The following GRK3 variants were observed in gnomAD, a reference collection of about 807,000 sequenced individuals.
GRK3 encodes the protein G protein-coupled receptor kinase 3.
In GRK3, 54 loss-of-function variants were observed where a neutral mutation model predicts 95.7. The ratio of observed to expected loss-of-function variants is 0.56; its 90% CI spans 0.45 to 0.71. GRK3 has a LOEUF of 0.71. Ranked by LOEUF, GRK3 falls within the 30% of genes least tolerant of loss-of-function variation. The pLI is 0.00. For missense variants in GRK3, 649 were observed against 851.2 expected (o/e 0.76, Z 2.96); for synonymous variants, 281 against 290.8 (o/e 0.97, Z 0.34).
At chr22:25,647,939 C>T in intron 3 of GRK3, 1 of 503,520 alleles carries the variant, frequency 2.0e-6, no homozygotes, top group Admixed American at 3.3e-5. Flanking sequence ...GGTGAAACCC[C>T]ATCTCTACTA....
At chr22:25,649,022 T>G (rs2084808611) in intron 3 of GRK3, 16 of 1,262,660 alleles carry the variant, frequency 1.3e-5, no homozygotes, top group Non-Finnish European at 1.9e-5. Context: ...GAGTGCCATA[T>G]CCAGGTATGG....
intron 1 of GRK3, among the ~76,000 whole-genome samples, chr22:25,599,615 AAAAG>A (rs2084395976): frequency 6.6e-6 from 1 of 151,692 alleles, no homozygotes; most frequent in African/African-American, 2.4e-5. Context: ...AAGAAAAGAA[AAAAG>A]AAAATCACAT....
At chr22:25,714,702 G>A (rs373825635) in intron 18 of GRK3, 132 bp downstream of exon 18, 2 of 826,816 alleles carry the variant, frequency 2.4e-6, no homozygotes, top group Non-Finnish European at 1.8e-6. Flanking sequence ...AATCGCTTTA[G>A]TTTGCTCTGG....
chr22:25,639,765 A>G (rs1458312396), intron 2 of GRK3, among the ~76,000 whole-genome samples: 1 of 152,216 alleles, frequency 6.6e-6, no homozygotes, highest in African/African-American at 2.4e-5. Flanking sequence ...AAGAATTAAC[A>G]TCTAAGCAAT....
At chr22:25,692,087 C>T (rs996263399) in intron 12 of GRK3, among the ~76,000 whole-genome samples, 12 of 152,144 alleles carry the variant, frequency 7.9e-5, no homozygotes, top group African/African-American at 2.9e-4. Context: ...CCTCAGCTTC[C>T]CAGGTAGCTG....
chr22:25,604,471 A>G lies in GRK3; in HGVS notation c.190+18A>G, dbSNP rs1359141179. The G allele has an allele frequency of 6.4e-7, 1 of 1,573,504 alleles. No individual in the cohort carries two copies. Among genetic ancestry groups the G allele is most frequent in the African/African-American group, 1.4e-5 (1 of 73,990 alleles). On this transcript the variant is annotated intron_variant, in intron 2 of 20. Coordinates refer to ENST00000324198, the MANE Select transcript of GRK3 (RefSeq NM_005160.4). ...GAAAATTGGTAAGTCCTGCTTGTTCATTTGGCATACGGTAATTTTAGTGAT... is the reference window on the plus strand; with the variant it reads ...GAAAATTGGTAAGTCCTGCTTGTTCGTTTGGCATACGGTAATTTTAGTGAT...
chr22:25,717,729 T>A (rs888894461), intron 18 of GRK3, among the ~76,000 whole-genome samples: 6 of 152,196 alleles, frequency 3.9e-5, no homozygotes, highest in Middle Eastern at 3.2e-3. Context: ...TACATAACCA[T>A]ATATTTGAGG....
At chr22:25,572,588 C>T (rs41263244) in intron 1 of GRK3, among the ~76,000 whole-genome samples, 3,437 of 152,260 alleles carry the variant, frequency 0.023, 61 homozygotes, top group Middle Eastern at 0.068. Flanking sequence ...CACTTTCTTG[C>T]TTGCTTGCTT....
chr22:25,665,420 A>G (rs2084935187), intron 5 of GRK3, among the ~76,000 whole-genome samples: 1 of 152,182 alleles, frequency 6.6e-6, no homozygotes, highest in Non-Finnish European at 1.5e-5. Context: ...TTTAGCTTCC[A>G]CTATAACATA....
chr22:25,709,790 A>G, intron 15 of GRK3, 108 bp from the exon 16 acceptor site: 1 of 750,868 alleles, frequency 1.3e-6, no homozygotes. Context: ...TTAAAGGAAA[A>G]AGTGGAAATA....
rs1005507730 is a variant in GRK3, at chr22:25,723,532, G to A, written c.*1082G>A. ...ACTTTGCACTGGGCTGTACGACAGT[G>A]AGGACCTTAGGGCATGAAGCCTTTT... On this transcript the variant is annotated 3_prime_UTR_variant, in exon 21 of 21. Coordinates refer to ENST00000324198, the MANE Select transcript of GRK3 (RefSeq NM_005160.4). 1 of 152,178 alleles carries A rather than the reference G, an allele frequency of 6.6e-6. No homozygotes were observed. Among genetic ancestry groups the A allele is most frequent in the Non-Finnish European group, 1.5e-5 (1 of 68,028 alleles). The allele number at this position is 152,178 out of a possible 1,614,324, so 9.4% of individuals were successfully genotyped here.
rs1341814922 is a variant in GRK3, at chr22:25,723,698, A to G, written c.*1248A>G. 6.6e-6 allele frequency: 1 copy of G among 152,188 alleles called. No homozygotes were observed. Among genetic ancestry groups the G allele is most frequent in the Non-Finnish European group, 1.5e-5 (1 of 68,028 alleles). The allele number at this position is 152,188 out of a possible 1,614,324, so 9.4% of individuals were successfully genotyped here. On this transcript the variant is annotated 3_prime_UTR_variant, in exon 21 of 21. Transcript: ENST00000324198. ...ATCAGTCTTAAAAAAAAAATTTTAC[A>G]AATCCACGTATTTGTCCCATTCTTG...
chr22:25,604,464 C>T lies in GRK3; in HGVS notation c.190+11C>T. ...TCAATCAGAAAATTGGTAAGTCCTG[C>T]TTGTTCATTTGGCATACGGTAATTT... is the stretch of plus-strand genomic sequence containing the variant. On this transcript the variant is annotated intron_variant, in intron 2 of 20. Coordinates refer to ENST00000324198, the MANE Select transcript of GRK3 (RefSeq NM_005160.4). 1 of 1,594,252 alleles carries T rather than the reference C, an allele frequency of 6.3e-7. No homozygotes were observed. The highest frequency in any genetic ancestry group is 8.6e-7 in the Non-Finnish European group (1 of 1,166,804).
intron 6 of GRK3, among the ~76,000 whole-genome samples, chr22:25,670,370 G>C (rs948954286): frequency 1.3e-5 from 2 of 152,040 alleles, no homozygotes; most frequent in African/African-American, 4.8e-5. Flanking sequence ...GTGCGGTGGT[G>C]TGTGCCTGTA....
At chr22:25,677,679 A>G (rs1213051516) in intron 8 of GRK3, among the ~76,000 whole-genome samples, 1 of 152,228 alleles carries the variant, frequency 6.6e-6, no homozygotes, top group Non-Finnish European at 1.5e-5. Flanking sequence ...ATCAACAAGA[A>G]AAAGGTAGAT....
At chr22:25,587,577 T>A (rs1932357210) in intron 1 of GRK3, among the ~76,000 whole-genome samples, 1 of 152,146 alleles carries the variant, frequency 6.6e-6, no homozygotes, top group South Asian at 2.1e-4. Context: ...CACAGACACG[T>A]ACCACCATGC....
At chr22:25,642,642 A>G (rs2084751581) in intron 2 of GRK3, among the ~76,000 whole-genome samples, 2 of 151,982 alleles carry the variant, frequency 1.3e-5, no homozygotes, top group South Asian at 4.1e-4. Context: ...TGGAGTTTCC[A>G]GTGTCTATTA....
intron 18 of GRK3, among the ~76,000 whole-genome samples, chr22:25,716,077 C>A (rs540020936): frequency 5.9e-5 from 9 of 152,244 alleles, no homozygotes; most frequent in Admixed American, 2.0e-4. Context: ...ACCTCCGCCT[C>A]CCAGGTTCAA....
At chr22:25,605,494 T>G (rs1192981646) in intron 2 of GRK3, among the ~76,000 whole-genome samples, 1 of 152,244 alleles carries the variant, frequency 6.6e-6, no homozygotes, top group African/African-American at 2.4e-5. Context: ...AGAAACTCTG[T>G]ATCTCTGAGA....
Sources: allele counts gnomAD v4.1 joint callset (sites outside exome capture counted in the v4.1 genomes callset), GRCh38; gene constraint gnomAD v4.1.1; transcripts MANE v1.5; gene names NCBI Gene and HGNC (gene_info 2026-07-23, HGNC 2026-07-21).